TOGARAM1: variants seen among roughly 807,000 people sequenced by gnomAD.
TOGARAM1 encodes the protein TOG array regulator of axonemal microtubules protein 1.
TOGARAM1 carries 100 observed loss-of-function variants against 166.6 expected under a neutral mutation model. That is an observed-to-expected ratio of 0.60 (90% confidence interval 0.51 to 0.71). The LOEUF (loss-of-function observed/expected upper bound fraction) is 0.71, where lower values mean the gene tolerates loss of function less well. TOGARAM1 is among the 30% of genes least tolerant of loss of function. The pLI, the probability that TOGARAM1 is intolerant of heterozygous loss-of-function variation, is 0.00. For missense variants in TOGARAM1, 2,029 were observed against 2,102.7 expected, an observed-to-expected ratio of 0.96 and a Z score of 0.69; for synonymous variants, 758 against 763.8, an observed-to-expected ratio of 0.99 and a Z score of 0.13.
chr14:45,003,855 T>C (rs1007419679), intron 3 of TOGARAM1, among the ~76,000 whole-genome samples: 4 of 132,908 alleles, frequency 3.0e-5, no homozygotes, highest in African/African-American at 1.2e-4. Context: ...GTTAGTACAA[T>C]ATTTTAATGG....
intron 2 of TOGARAM1, chr14:44,996,109 A>G (rs1008610341): frequency 5.8e-6 from 2 of 345,946 alleles, no homozygotes; most frequent in Non-Finnish European, 1.0e-5. Context: ...TTAAGTATTA[A>G]TATAGGGCAA....
At chr14:45,042,910 C>A (rs539903806) in intron 11 of TOGARAM1, among the ~76,000 whole-genome samples, 1 of 152,134 alleles carries the variant, frequency 6.6e-6, no homozygotes, top group Non-Finnish European at 1.5e-5. Context: ...ACAGTGTACC[C>A]GGTCACTCAG....
At position 44,969,145 on chromosome 14, in the gene TOGARAM1, CCTTT is replaced by C. The variant is rs1555341650; in HGVS notation, c.2046+4691_2046+4694del. On this transcript the variant is annotated intron_variant, in intron 1 of 19. Coordinates refer to ENST00000361462, the MANE Select transcript of TOGARAM1 (RefSeq NM_001308120.2). ...TCCTTCCTTCCTTCCTTCCTTCCTT[CCTTT>C]CTTTCTTTCTTTTCTTTCTTTTCTT... 3.3e-3 allele frequency among the ~76,000 whole-genome samples: 378 copies of C among 116,304 alleles called. 1 individual carries two copies. The highest frequency in any genetic ancestry group is 1.0e-2 in the African/African-American group (258 of 25,826). 76.3% of individuals were successfully genotyped at this position (116,304 alleles called of 152,430 possible).
chr14:45,006,808 T>C (rs1240083727), intron 5 of TOGARAM1: 4 of 152,222 alleles, frequency 2.6e-5, no homozygotes, highest in Non-Finnish European at 5.9e-5. Context: ...TGCAATTGCA[T>C]ACAGTGAACT....
chr14:44,979,649 A>G (rs1886423825), intron 1 of TOGARAM1, among the ~76,000 whole-genome samples: 1 of 152,226 alleles, frequency 6.6e-6, no homozygotes, highest in African/African-American at 2.4e-5. Context: ...TCTCTTAGCT[A>G]GTGAGTGGCA....
intron 1 of TOGARAM1, among the ~76,000 whole-genome samples, chr14:44,990,953 CTTT>C (rs1171702041): frequency 1.3e-5 from 1 of 74,196 alleles, no homozygotes; most frequent in Non-Finnish European, 2.3e-5. Flanking sequence ...CCAGCTGAGG[CTTT>C]TTTTTTTTTT....
At chr14:45,020,268 A>G (rs1359691301) in intron 7 of TOGARAM1, among the ~76,000 whole-genome samples, 2 of 152,186 alleles carry the variant, frequency 1.3e-5, no homozygotes, top group Non-Finnish European at 2.9e-5. Flanking sequence ...ATGATTCCAG[A>G]TTGATTAACA....
intron 1 of TOGARAM1, among the ~76,000 whole-genome samples, chr14:44,988,342 A>T (rs549858929): frequency 6.6e-6 from 1 of 152,326 alleles, no homozygotes; most frequent in South Asian, 2.1e-4. Context: ...AGCCAATTGA[A>T]ACAGCTTGTT....
chr14:45,065,650 C>T (rs1883106934), intron 16 of TOGARAM1, among the ~76,000 whole-genome samples: 1 of 152,136 alleles, frequency 6.6e-6, no homozygotes, highest in Non-Finnish European at 1.5e-5. Context: ...CATGAGTGTT[C>T]TCACGGATAC....
Position 44,963,654 on chromosome 14 carries a change from G to A in TOGARAM1, c.1233G>A (p.Val411=), listed in dbSNP as rs2138701731. 1.2e-6 allele frequency: 2 copies of A among 1,613,338 alleles called. No homozygotes were observed. Among genetic ancestry groups the A allele is most frequent in the Non-Finnish European group, 1.7e-6 (2 of 1,180,018 alleles). The change falls in exon 1 of 20, where the codon GTG becomes GTA. Residue 411 remains valine (V), a synonymous_variant. Transcript: ENST00000361462. ...TAGACGATTCTAACTTCAAAGTGGT[G>A]CATGGCACACTTGAAGTCCTGCATT... ...NLLDDSNFKV[V]HGTLEVLHLL...
rs1345091658 is a variant in TOGARAM1 at position 45,050,397 on chromosome 14, C to T, written c.4314-2039C>T. Among the ~76,000 whole-genome samples the T allele has an allele frequency of 3.9e-5, 6 of 152,010 alleles. No homozygotes were observed. In the East Asian group the frequency reaches 7.7e-4, roughly 20 times the overall value. ...CCTCCCGAGTAGCTGGGACTACAGGCGTGTGTCACCATGCCTGGCTAAGTT... is the reference window on the plus strand; with the variant it reads ...CCTCCCGAGTAGCTGGGACTACAGGTGTGTGTCACCATGCCTGGCTAAGTT... On this transcript the variant is annotated intron_variant, in intron 14 of 19. Transcript: ENST00000361462.
chr14:45,071,285 GTTT>G (rs10711034), intron 18 of TOGARAM1, among the ~76,000 whole-genome samples: 59 of 138,184 alleles, frequency 4.3e-4, no homozygotes, highest in East Asian at 1.5e-3. Flanking sequence ...GATTCAGGCA[GTTT>G]TTTTTTTTTT....
At chr14:45,034,018 A>C (rs1183176999) in intron 11 of TOGARAM1, among the ~76,000 whole-genome samples, 1 of 152,230 alleles carries the variant, frequency 6.6e-6, no homozygotes, top group African/African-American at 2.4e-5. Flanking sequence ...CAGCTGGTGC[A>C]TGGTGGCACA....
chr14:45,009,036 C>T lies in TOGARAM1; in HGVS notation c.3028C>T (p.Pro1010Ser), dbSNP rs753617506. Residue 1010 changes from proline (P) to serine (S), a missense_variant, in exon 6 of 20, where the codon CCG becomes TCG. Pro to Ser is a moderately conservative substitution (Grantham distance 74, BLOSUM62 -1). Coordinates refer to ENST00000361462, the MANE Select transcript of TOGARAM1 (RefSeq NM_001308120.2). Reference protein sequence around the residue: ...AMKLDLTMDSPSLSSSPNINS... With the variant: ...AMKLDLTMDSSSLSSSPNINS... ...GAAGCTCGACTTGACGATGGACTCC[C>T]CGTCTCTGTCTTCCTCACCAAACAT... 7 of 1,613,944 alleles carry T rather than the reference C, an allele frequency of 4.3e-6. No homozygotes were observed. In the African/African-American group the frequency reaches 6.7e-5, roughly 15 times the overall value.
intron 1 of TOGARAM1, among the ~76,000 whole-genome samples, chr14:44,975,960 A>G (rs1886165448): frequency 6.6e-6 from 1 of 152,098 alleles, no homozygotes; most frequent in Non-Finnish European, 1.5e-5. Context: ...ACTGGTGACT[A>G]CATTTAGTAG....
intron 11 of TOGARAM1, among the ~76,000 whole-genome samples, chr14:45,039,552 C>A (rs1320868667): frequency 6.6e-6 from 1 of 152,164 alleles, no homozygotes; most frequent in Non-Finnish European, 1.5e-5. Context: ...CCTTCCCATG[C>A]TTGTTGGTGC....
intron 13 of TOGARAM1, among the ~76,000 whole-genome samples, chr14:45,045,543 G>GTATATA (rs375962126): frequency 5.1e-4 from 20 of 38,884 alleles, no homozygotes; most frequent in South Asian, 9.1e-4. Context: ...GTCTGTGTGT[G>GTATATA]TATATATATA....
rs114263757 is a variant in TOGARAM1 at position 44,977,110 on chromosome 14, A to G, written c.2046+12643A>G. Among the ~76,000 whole-genome samples, 673 of 152,244 alleles carry G rather than the reference A, an allele frequency of 4.4e-3. 4 individuals carry two copies. Among genetic ancestry groups the G allele is most frequent in the African/African-American group, 0.016 (647 of 41,556 alleles). The stretch of plus-strand genomic sequence containing the variant: ...TTCTAAAACAAAGTAAAATTAATCA[A>G]TGTAGCTATCAAATGCATCTAACTC... On this transcript the variant is annotated intron_variant, in intron 1 of 19. Coordinates refer to ENST00000361462, the MANE Select transcript of TOGARAM1 (RefSeq NM_001308120.2).
Position 44,962,615 on chromosome 14 carries a change from C to T in TOGARAM1, c.194C>T (p.Ser65Leu). 2 of 1,613,474 alleles carry T rather than the reference C, an allele frequency of 1.2e-6. No individual in the cohort carries two copies. Among genetic ancestry groups the T allele is most frequent in the Non-Finnish European group, 1.7e-6 (2 of 1,179,588 alleles). Residue 65 changes from serine to leucine, a missense_variant, in exon 1 of 20, where the codon TCG (serine) becomes TTG (leucine). Coordinates refer to ENST00000361462, the MANE Select transcript of TOGARAM1 (RefSeq NM_001308120.2). ...GDHGSCPTTT[S>L]PLASALLMPS... ...CACGGTTCCTGCCCCACTACAACTT[C>T]GCCTCTGGCCTCGGCCCTCTTGATG...
Sources: allele counts gnomAD v4.1 joint callset (sites outside exome capture counted in the v4.1 genomes callset), GRCh38; gene constraint gnomAD v4.1.1; transcripts MANE v1.5; gene names NCBI Gene and HGNC (gene_info 2026-07-23, HGNC 2026-07-21).